Variants in SIL1 observed in about 807,000 individuals in gnomAD.
The protein encoded by SIL1 is nucleotide exchange factor SIL1.
In SIL1, 40 loss-of-function variants were observed where a neutral mutation model predicts 49.1. The observed-to-expected ratio is 0.81, with a 90% CI of 0.63 to 1.06. The LOEUF is 1.06. Among genes scored for constraint, SIL1 ranks in the 50% least tolerant of loss-of-function variants. The pLI, the probability that SIL1 is intolerant of heterozygous loss-of-function variation, is 0.00. For missense variants in SIL1, 500 were observed against 572.6 expected, an observed-to-expected ratio of 0.87 and a Z score of 1.29; for synonymous variants, 253 against 250.8, an observed-to-expected ratio of 1.01 and a Z score of -0.08.
chr5:139,104,408 T>A (rs1360832311), intron 3 of SIL1, among the ~76,000 whole-genome samples: 1 of 152,164 alleles, frequency 6.6e-6, no homozygotes, highest in African/African-American at 2.4e-5. Context: ...TTCCCCAAAG[T>A]CCCACTCTGC....
chr5:139,042,684 T>G lies in SIL1; in HGVS notation c.389A>C (p.Asp130Ala), dbSNP rs766881758. The part of the protein sequence containing the change: ...DINTNTYTSQ[D>A]LKSALAKFKE... ...GAATTTTGCCAGTGCACTCTTGAGA[T>G]CCTGAGATGTGTAGGTGTTGGTGTT... Residue 130 changes from aspartate to alanine, a missense_variant, in exon 5 of 10, where the codon GAT becomes GCT. Physicochemically the swap from Asp to Ala is moderately radical, Grantham distance 126. Coordinates refer to ENST00000394817, the MANE Select transcript of SIL1 (RefSeq NM_022464.5). 6.2e-7 allele frequency: 1 copy of G among 1,614,146 alleles called. No individual in the cohort carries two copies.
chr5:138,963,892 G>T (rs1298536032), intron 7 of SIL1, among the ~76,000 whole-genome samples: 3 of 152,162 alleles, frequency 2.0e-5, no homozygotes, highest in Non-Finnish European at 4.4e-5. Flanking sequence ...GGCTCACATT[G>T]TAACAGAGAA....
intron 1 of SIL1, among the ~76,000 whole-genome samples, chr5:139,186,138 G>A (rs957081490): frequency 6.6e-5 from 10 of 152,088 alleles, no homozygotes; most frequent in African/African-American, 2.4e-4. Flanking sequence ...TGAGCAAAAG[G>A]GCAAAAAGTG....
chr5:139,033,369 A>G (rs1768834120), intron 5 of SIL1, among the ~76,000 whole-genome samples: 1 of 151,268 alleles, frequency 6.6e-6, no homozygotes, highest in South Asian at 2.1e-4. Flanking sequence ...CATGTTTTCA[A>G]TTTCATTGAT....
intron 1 of SIL1, among the ~76,000 whole-genome samples, chr5:139,142,588 T>C: frequency 6.6e-6 from 1 of 152,060 alleles, no homozygotes; most frequent in East Asian, 1.9e-4. Flanking sequence ...CAAAATCCAA[T>C]ATCCTTTCAT....
intron 1 of SIL1, among the ~76,000 whole-genome samples, chr5:139,150,578 A>G (rs1481700992): frequency 6.6e-6 from 1 of 152,168 alleles, no homozygotes; most frequent in Non-Finnish European, 1.5e-5. Context: ...CAGCAAAATG[A>G]GGAAGCCAAA....
intron 7 of SIL1, among the ~76,000 whole-genome samples, chr5:139,005,402 A>G (rs1254527725): frequency 6.7e-6 from 1 of 149,702 alleles, no homozygotes; most frequent in Non-Finnish European, 1.5e-5. Context: ...TGTGAATTTT[A>G]CTACCTATAA....
At position 139,006,680 on chromosome 5, in the gene SIL1, C is replaced by T. The variant is rs1156708237; in HGVS notation, c.767+14491G>A. Among the ~76,000 whole-genome samples, 5 of 150,480 alleles carry T rather than the reference C, an allele frequency of 3.3e-5. No individual in the cohort carries two copies. In the East Asian group the frequency reaches 5.9e-4, roughly 18 times the overall value. The stretch of plus-strand genomic sequence containing the variant: ...TCCAGTTTCAGCTTTCTACATATGG[C>T]TAGCCAGTTTTCCCAGCACCATTTA... On this transcript the variant is annotated intron_variant, in intron 7 of 9. Coordinates refer to ENST00000394817, the MANE Select transcript of SIL1 (RefSeq NM_022464.5).
intron 1 of SIL1, among the ~76,000 whole-genome samples, chr5:139,135,682 C>T (rs1333092503): frequency 1.4e-5 from 2 of 145,072 alleles, no homozygotes; most frequent in East Asian, 2.1e-4. Flanking sequence ...GAATACAGAT[C>T]TTCAAGAAGG....
At chr5:139,178,845 C>G (rs1213943116) in intron 1 of SIL1, among the ~76,000 whole-genome samples, 1 of 152,064 alleles carries the variant, frequency 6.6e-6, no homozygotes, top group African/African-American at 2.4e-5. Flanking sequence ...GCCTAACAGT[C>G]TCTGGAATGT....
At chr5:139,189,853 T>C (rs1045419876) in intron 1 of SIL1, among the ~76,000 whole-genome samples, 6 of 152,046 alleles carry the variant, frequency 3.9e-5, no homozygotes, top group African/African-American at 1.5e-4. Context: ...AAGTACACAA[T>C]AAATATAATG....
intron 1 of SIL1, among the ~76,000 whole-genome samples, chr5:139,171,769 C>T (rs1026612652): frequency 2.0e-5 from 3 of 149,720 alleles, no homozygotes; most frequent in Non-Finnish European, 4.5e-5. Flanking sequence ...AAACTATCCC[C>T]GAAAAGACCT....
chr5:139,118,252 C>T (rs1771040265), intron 3 of SIL1, among the ~76,000 whole-genome samples: 1 of 152,172 alleles, frequency 6.6e-6, no homozygotes, highest in Non-Finnish European at 1.5e-5. Flanking sequence ...TTCCCTTTCC[C>T]ATGTAAAGCC....
At chr5:139,066,333 T>G (rs1467017159) in intron 3 of SIL1, among the ~76,000 whole-genome samples, 5 of 152,028 alleles carry the variant, frequency 3.3e-5, no homozygotes, top group African/African-American at 1.2e-4. Flanking sequence ...GCCATCTCTT[T>G]CCTTGCTTTT....
intron 7 of SIL1, among the ~76,000 whole-genome samples, chr5:138,965,769 C>G (rs1767125982): frequency 6.7e-6 from 1 of 150,102 alleles, no homozygotes; most frequent in South Asian, 2.1e-4. Context: ...ACAGATTTGA[C>G]TTTGAATCCT....
chr5:139,088,533 G>A (rs888983715), intron 3 of SIL1, among the ~76,000 whole-genome samples: 1 of 152,200 alleles, frequency 6.6e-6, no homozygotes, highest in African/African-American at 2.4e-5. Context: ...GAGTCCTTGT[G>A]AAGGAAGTCC....
intron 3 of SIL1, among the ~76,000 whole-genome samples, chr5:139,101,958 T>C (rs1466125718): frequency 6.6e-6 from 1 of 152,164 alleles, no homozygotes. Context: ...AAAATCATGG[T>C]ATTATCTAAA....
At chr5:138,960,581 A>G (rs1319764435) in intron 7 of SIL1, among the ~76,000 whole-genome samples, 4 of 151,790 alleles carry the variant, frequency 2.6e-5, no homozygotes, top group Non-Finnish European at 5.9e-5. Context: ...ACACACCACA[A>G]CACTAACCAC....
chr5:139,173,965 T>TAAAAGAAAAAAAAAAAA (rs1751829028), intron 1 of SIL1, among the ~76,000 whole-genome samples: 1 of 71,948 alleles, frequency 1.4e-5, no homozygotes. Context: ...TCTCAAAAAA[T>TAAAAGAAAAAAAAAAAA]AAAAGAAAAA....
Sources: gnomAD v4.1 joint callset for allele counts (sites outside exome capture counted in the v4.1 genomes callset) on GRCh38, gnomAD v4.1.1 for gene constraint, MANE v1.5 for transcripts, NCBI Gene and HGNC (gene_info 2026-07-23, HGNC 2026-07-21) for gene names.